The following PLA2G6 variants were observed in gnomAD, a reference collection of about 807,000 sequenced individuals.
PLA2G6 encodes the protein phospholipase A2 group VI.
Under a neutral mutation model 83.8 loss-of-function variants are expected in PLA2G6, and 62 were observed. The observed-to-expected ratio is 0.74, with a 90% confidence interval of 0.60 to 0.91. The LOEUF is 0.91. Among genes scored for constraint, PLA2G6 ranks in the 40% least tolerant of loss-of-function variants. The pLI is 0.00. For synonymous variants in PLA2G6, 417 were observed against 449.8 expected, an observed-to-expected ratio of 0.93 and a Z score of 0.92; for missense variants, 944 against 1,102.0, an observed-to-expected ratio of 0.86 and a Z score of 2.03.
In PLA2G6 at chr22:38,178,992, T is replaced by C. The variant is rs573714230; in HGVS notation, c.-46+2672A>G. On this transcript the variant is annotated intron_variant, in intron 1 of 16. Transcript: ENST00000332509. ...GGTAAATATTTACAAAGGTTTTAGA[T>C]GACAATTAACTACTGAGGAGAAAAA... Among the ~76,000 whole-genome samples, 6 of 152,266 alleles carry C rather than the reference T, an allele frequency of 3.9e-5. No homozygotes were observed. The East Asian group carries it at 1.2e-3, about 29-fold the overall frequency.
chr22:38,132,228 G>A lies in PLA2G6; in HGVS notation c.1077+603C>T. On this transcript the variant is annotated intron_variant, in intron 7 of 16. Transcript: ENST00000332509. The surrounding 1 kb of genome is among the most constrained non-coding windows in gnomAD (Gnocchi z 5.0). The stretch of plus-strand genomic sequence containing the variant: ...TAACCAGACAGTAAGGGCTTTGAGG[G>A]CAGGAACTGTGTTCTATAATAAACC... 2.5e-6 allele frequency: 1 copy of A among 398,730 alleles called. No individual in the cohort carries two copies. The highest frequency in any genetic ancestry group is 5.0e-6 in the Non-Finnish European group (1 of 198,972). 24.7% of individuals were successfully genotyped at this position (398,730 alleles called of 1,614,324 possible).
intron 11 of PLA2G6, among the ~76,000 whole-genome samples, chr22:38,121,846 G>T (rs144414925): frequency 1.5e-4 from 23 of 152,316 alleles, no homozygotes; most frequent in Admixed American, 8.5e-4. Context: ...AGACCAGAGA[G>T]GGGATGCTGG....
At chr22:38,150,040 G>T (rs1376714040) in intron 2 of PLA2G6, 1 of 120,490 alleles carries the variant, frequency 8.3e-6, no homozygotes, top group Non-Finnish European at 1.7e-5. Context: ...AGCCCTCCCT[G>T]ACCCCACCAC....
chr22:38,113,839 G>A lies in PLA2G6; in HGVS notation c.2035-185C>T, dbSNP rs1393840762. On this transcript the variant is annotated intron_variant, in intron 14 of 16. Coordinates refer to ENST00000332509, the MANE Select transcript of PLA2G6 (RefSeq NM_003560.4). ...GCCTCTTGCACGTGACCCCAGAACG[G>A]CTGGTGCGGGCATCACATGCCATCT... 7.2e-6 allele frequency: 5 copies of A among 694,586 alleles called. No individual in the cohort carries two copies. In the African/African-American group the frequency reaches 8.8e-5, roughly 12 times the overall value. 43.0% of individuals were successfully genotyped at this position (694,586 alleles called of 1,614,324 possible). A position where few individuals can be genotyped will look rare whatever the true frequency, so the allele number is the denominator to read the frequency against.
intron 6 of PLA2G6, 177 bp from the exon 7 acceptor site, chr22:38,133,190 C>T: frequency 3.2e-6 from 2 of 628,274 alleles, no homozygotes; most frequent in Non-Finnish European, 5.6e-6. Flanking sequence ...GACTGCCTCC[C>T]ATCCCATCAG....
In PLA2G6 at chr22:38,129,367, ACCTGATG is replaced by A. The variant is rs1251401283; in HGVS notation, c.1186+80_1186+86del. 5.4e-6 allele frequency: 5 copies of A among 926,610 alleles called. No individual in the cohort carries two copies. In the East Asian group the frequency reaches 1.2e-4, roughly 22 times the overall value. The allele number at this position is 926,610 out of a possible 1,614,324, so 57.4% of individuals were successfully genotyped here. ...GGGCGGGTCAGCACAGGATGCTGGC[ACCTGATG>A]CCTGGGACTTCCCTCCTCCTCGGTC... On this transcript the variant is annotated intron_variant, in intron 8 of 16. Transcript: ENST00000332509.
intron 10 of PLA2G6, among the ~76,000 whole-genome samples, chr22:38,124,419 C>T (rs2087711805): frequency 6.6e-6 from 1 of 152,152 alleles, no homozygotes; most frequent in Non-Finnish European, 1.5e-5. Context: ...TGCTCTCCAG[C>T]GCGCCCTGAC....
intron 1 of PLA2G6, among the ~76,000 whole-genome samples, chr22:38,178,400 A>G (rs932313098): frequency 6.6e-6 from 1 of 152,090 alleles, no homozygotes; most frequent in Non-Finnish European, 1.5e-5. Flanking sequence ...GTGAGACCTC[A>G]CCTCTACAAA....
At chr22:38,161,012 T>C (rs2089989082) in intron 2 of PLA2G6, among the ~76,000 whole-genome samples, 1 of 152,182 alleles carries the variant, frequency 6.6e-6, no homozygotes, top group African/African-American at 2.4e-5. Flanking sequence ...ATTTTCTCTA[T>C]ATGTGTTATA....
Position 38,112,434 on chromosome 22 carries a change from G to A in PLA2G6, c.2276+70C>T, listed in dbSNP as rs11570765. ...GAAGGGAAAGTCCACACTAGGGCTG[G>A]GAGGGGAAGGTCGGTGAGTCCGACC... On this transcript the variant is annotated intron_variant, in intron 16 of 16. Coordinates refer to ENST00000332509, the MANE Select transcript of PLA2G6 (RefSeq NM_003560.4). The A allele has an allele frequency of 5.8e-3, 8,806 of 1,505,318 alleles. 41 individuals carry two copies. The highest frequency in any genetic ancestry group is 7.3e-3 in the Non-Finnish European group (8,031 of 1,107,580). 93.2% of individuals were successfully genotyped at this position (1,505,318 alleles called of 1,614,324 possible).
In PLA2G6 at chr22:38,113,501, T is replaced by C; in HGVS notation, c.2188A>G (p.Met730Val). Reference protein sequence around the residue: ...TVFGAKELGKMVVDCCTDPDG... With the variant: ...TVFGAKELGKVVVDCCTDPDG... ...CCCACACTCACACAGTCCACCACCA[T>C]CTTGCCCAGTTCCTTGGCCCCAAAA... The change falls in exon 15 of 17, where the codon ATG becomes GTG. Residue 730 changes from methionine to valine, a missense_variant. Met to Val is a conservative substitution (Grantham distance 21, BLOSUM62 1). Coordinates refer to ENST00000332509, the MANE Select transcript of PLA2G6 (RefSeq NM_003560.4). The C allele has an allele frequency of 6.2e-7, 1 of 1,614,050 alleles. No individual in the cohort carries two copies. Among genetic ancestry groups the C allele is most frequent in the Admixed American group, 1.7e-5 (1 of 60,020 alleles).
At position 38,126,359 on chromosome 22, in the gene PLA2G6, C is replaced by T. The variant is rs371526199; in HGVS notation, c.1427+12G>A. ...ACGTTCCCCGCTCTGCCCCCGATCT[C>T]GATCCACTTACGTCCGCTTCTCGTC... On this transcript the variant is annotated intron_variant, in intron 10 of 16. Transcript: ENST00000332509. 44 of 1,607,834 alleles carry T rather than the reference C, an allele frequency of 2.7e-5. No homozygotes were observed. The highest frequency in any genetic ancestry group is 2.5e-4 in the African/African-American group (19 of 74,782).
At position 38,132,725 on chromosome 22, in the gene PLA2G6, A is replaced by G; in HGVS notation, c.1077+106T>C. The G allele has an allele frequency of 1.0e-6, 1 of 998,460 alleles. No individual in the cohort carries two copies. Among genetic ancestry groups the G allele is most frequent in the East Asian group, 2.6e-5 (1 of 37,858 alleles). 61.9% of individuals were successfully genotyped at this position (998,460 alleles called of 1,614,324 possible). A position where few individuals can be genotyped will look rare whatever the true frequency, so the allele number is the denominator to read the frequency against. On this transcript the variant is annotated intron_variant, in intron 7 of 16. Coordinates refer to ENST00000332509, the MANE Select transcript of PLA2G6 (RefSeq NM_003560.4). This position sits in a 1 kb window ranked among gnomAD's most constrained non-coding sequence, Gnocchi z 5.0. ...TTTGGGTGGGAAGATGATTTGGAGC[A>G]GCTGACGATAGGAGGGAGACAGTGG...
Position 38,113,518 on chromosome 22 carries a change from GC to G in PLA2G6, c.2170del (p.Ala724ProfsTer37), listed in dbSNP as rs2087006086. On this transcript the variant is annotated frameshift_variant, in exon 15 of 17. Coordinates refer to ENST00000332509, the MANE Select transcript of PLA2G6 (RefSeq NM_003560.4). LOFTEE classifies it high-confidence loss of function. ...PWELAKTVFG[A>X]KELGKMVVDC... is the part of the protein sequence containing the mutation. ...CACCACCATCTTGCCCAGTTCCTTG[GC>G]CCCAAAAACAGTCTTGGCCAGCTCC... The G allele has an allele frequency of 2.5e-6, 4 of 1,613,958 alleles. No individual in the cohort carries two copies. Among genetic ancestry groups the G allele is most frequent in the African/African-American group, 1.3e-5 (1 of 74,930 alleles).
intron 2 of PLA2G6, among the ~76,000 whole-genome samples, chr22:38,161,613 T>C (rs1289726941): frequency 1.3e-5 from 2 of 152,100 alleles, no homozygotes; most frequent in Admixed American, 6.5e-5. Flanking sequence ...CAGGAGATGA[T>C]GGCCTTGAAT....
chr22:38,118,583 C>T (rs2145699911), intron 12 of PLA2G6, among the ~76,000 whole-genome samples: 2 of 152,224 alleles, frequency 1.3e-5, no homozygotes, highest in African/African-American at 4.8e-5. Context: ...AAAATGAGTC[C>T]TTTGATGGAT....
Position 38,111,772 on chromosome 22 carries a change from T to G in PLA2G6, c.*389A>C. 1 of 347,234 alleles carries G rather than the reference T, an allele frequency of 2.9e-6. No individual in the cohort carries two copies. Among genetic ancestry groups the G allele is most frequent in the Non-Finnish European group, 5.6e-6 (1 of 177,172 alleles). 21.5% of individuals were successfully genotyped at this position (347,234 alleles called of 1,614,324 possible). ...AGTGGGCTGCACCCACCAGGAAGCC[T>G]GGGAGTGCCCTTGCTGGGGGCTGGG... On this transcript the variant is annotated 3_prime_UTR_variant, in exon 17 of 17. Coordinates refer to ENST00000332509, the MANE Select transcript of PLA2G6 (RefSeq NM_003560.4).
Position 38,162,208 on chromosome 22 carries a change from CA to C in PLA2G6, c.209+7009del, listed in dbSNP as rs1162906670. ...TGGGCAACAGAGCGAGACTCTGTGT[CA>C]AAAAAAAAAAAAAGAAAAAAAAAAA... On this transcript the variant is annotated intron_variant, in intron 2 of 16. Transcript: ENST00000332509. 6.9e-3 allele frequency among the ~76,000 whole-genome samples: 513 copies of C among 74,540 alleles called. 1 individual carries two copies. The highest frequency in any genetic ancestry group is 0.022 in the African/African-American group (363 of 16,854). 48.9% of individuals were successfully genotyped at this position (74,540 alleles called of 152,430 possible). A position where few individuals can be genotyped will look rare whatever the true frequency, so the allele number is the denominator to read the frequency against.
At chr22:38,115,435 C>A (rs972556939) in intron 14 of PLA2G6, 92 bp downstream of exon 14, 31 of 1,197,758 alleles carry the variant, frequency 2.6e-5, no homozygotes, top group Non-Finnish European at 3.8e-5. Flanking sequence ...AAGCCACCTG[C>A]TGTCCTGGGG....
Sources: allele counts gnomAD v4.1 joint callset (sites outside exome capture counted in the v4.1 genomes callset), GRCh38; gene constraint gnomAD v4.1.1; non-coding constraint Gnocchi (gnomAD v3.1); transcripts MANE v1.5; gene names NCBI Gene and HGNC (gene_info 2026-07-23, HGNC 2026-07-21).